FAM13C: variants seen among roughly 807,000 people sequenced by gnomAD.
FAM13C encodes the protein family with sequence similarity 13 member C.
In FAM13C, 37 loss-of-function variants were observed where a neutral mutation model predicts 73.2. The observed-to-expected ratio is 0.51, with a 90% confidence interval of 0.39 to 0.67. The LOEUF is 0.67. Ranked by LOEUF, FAM13C falls within the 30% of genes least tolerant of loss-of-function variation. FAM13C has a pLI of 0.00. For missense variants in FAM13C, 589 were observed against 715.6 expected (o/e 0.82, Z 2.02); for synonymous variants, 246 against 260.9 (o/e 0.94, Z 0.55).
intron 9 of FAM13C, among the ~76,000 whole-genome samples, chr10:59,263,154 T>C (rs1400067712): frequency 1.3e-5 from 2 of 152,162 alleles, no homozygotes; most frequent in Admixed American, 6.5e-5. Context: ...TGCTATTTTG[T>C]CTTATGATAG....
At chr10:59,346,346 G>T (rs1351464218) in intron 3 of FAM13C, among the ~76,000 whole-genome samples, 2 of 152,290 alleles carry the variant, frequency 1.3e-5, no homozygotes, top group East Asian at 3.9e-4. Flanking sequence ...CATCTAGGGA[G>T]CTTTGTGTCT....
chr10:59,248,580 A>G (rs1840974139), intron 13 of FAM13C, among the ~76,000 whole-genome samples: 1 of 152,172 alleles, frequency 6.6e-6, no homozygotes, highest in African/African-American at 2.4e-5. Flanking sequence ...ATCGTTTTGA[A>G]AACATTTCCA....
intron 3 of FAM13C, among the ~76,000 whole-genome samples, chr10:59,345,138 G>A (rs1465601554): frequency 1.3e-5 from 2 of 152,170 alleles, no homozygotes; most frequent in African/African-American, 4.8e-5. Flanking sequence ...CTGCACCTCT[G>A]TTTAATATTC....
intron 4 of FAM13C, among the ~76,000 whole-genome samples, chr10:59,305,928 C>T (rs1347289214): frequency 1.3e-5 from 2 of 152,240 alleles, no homozygotes; most frequent in African/African-American, 4.8e-5. Context: ...CAAAATAGCT[C>T]TTTCCCACAA....
chr10:59,266,658 T>C (rs759637744), intron 8 of FAM13C, among the ~76,000 whole-genome samples: 27 of 152,166 alleles, frequency 1.8e-4, no homozygotes, highest in Non-Finnish European at 2.9e-4. Context: ...TCCATATGTG[T>C]ATTTAAGTCT....
intron 1 of FAM13C, among the ~76,000 whole-genome samples, chr10:59,357,304 T>C (rs1288741014): frequency 1.3e-5 from 2 of 152,242 alleles, no homozygotes; most frequent in Non-Finnish European, 2.9e-5. Flanking sequence ...TCTGAGGTTT[T>C]GGTAAACAAC....
chr10:59,324,236 G>T, intron 3 of FAM13C, 130 bp from the exon 4 acceptor site: 1 of 685,544 alleles, frequency 1.5e-6, no homozygotes, highest in Non-Finnish European at 2.4e-6. Flanking sequence ...TGTAGTGTGG[G>T]AAGGGAGCCA....
At chr10:59,337,797 G>A (rs1021358341) in intron 3 of FAM13C, among the ~76,000 whole-genome samples, 4 of 143,024 alleles carry the variant, frequency 2.8e-5, no homozygotes, top group African/African-American at 7.8e-5. Flanking sequence ...CTCCTGCCTC[G>A]GCCTCCCGAG....
chr10:59,264,934 A>G (rs960012497), intron 8 of FAM13C, among the ~76,000 whole-genome samples: 2 of 152,156 alleles, frequency 1.3e-5, no homozygotes, highest in African/African-American at 2.4e-5. Flanking sequence ...AATATGCTCA[A>G]GGTGACATGA....
chr10:59,254,262 G>T, intron 11 of FAM13C, 86 bp downstream of exon 11: 1 of 886,430 alleles, frequency 1.1e-6, no homozygotes, highest in Non-Finnish European at 1.7e-6. Flanking sequence ...GCCATGAAGG[G>T]TCTTTTATAA....
At chr10:59,335,551 A>G (rs927628982) in intron 3 of FAM13C, among the ~76,000 whole-genome samples, 1 of 152,202 alleles carries the variant, frequency 6.6e-6, no homozygotes, top group Non-Finnish European at 1.5e-5. Flanking sequence ...TAATTTCCAT[A>G]CAGCTTCAAG....
intron 3 of FAM13C, among the ~76,000 whole-genome samples, chr10:59,342,133 A>C (rs1188078512): frequency 6.6e-6 from 1 of 152,202 alleles, no homozygotes; most frequent in African/African-American, 2.4e-5. Context: ...CATGGCAAGC[A>C]GTATCCTATG....
At chr10:59,320,073 G>T (rs2133995574) in intron 4 of FAM13C, among the ~76,000 whole-genome samples, 1 of 152,252 alleles carries the variant, frequency 6.6e-6, no homozygotes, top group Non-Finnish European at 1.5e-5. Context: ...GCCTATAGAA[G>T]CTTGGCAAAG....
chr10:59,257,756 G>A (rs867454708), intron 10 of FAM13C, among the ~76,000 whole-genome samples: 1 of 152,166 alleles, frequency 6.6e-6, no homozygotes, highest in South Asian at 2.1e-4. Flanking sequence ...GAATGTTTTG[G>A]TCAATTTAGA....
chr10:59,265,273 C>G (rs2446717), intron 8 of FAM13C, among the ~76,000 whole-genome samples: 136,024 of 137,648 alleles, frequency 0.99, 67,233 homozygotes, highest in Middle Eastern at 1. Context: ...GCTTGAATAG[C>G]AGACTGGTTT....
chr10:59,324,250 C>T, intron 3 of FAM13C, 144 bp from the exon 4 acceptor site: 1 of 618,542 alleles, frequency 1.6e-6, no homozygotes, highest in Non-Finnish European at 2.8e-6. Flanking sequence ...GGAGCCAATT[C>T]ACTGGTCCAA....
chr10:59,273,995 C>T (rs1312913265), intron 6 of FAM13C, among the ~76,000 whole-genome samples: 2 of 152,104 alleles, frequency 1.3e-5, no homozygotes, highest in African/African-American at 4.8e-5. Context: ...GATTGCCCAT[C>T]ATGGTGGGCT....
At chr10:59,294,424 T>C (rs1357790951) in intron 5 of FAM13C, among the ~76,000 whole-genome samples, 1 of 152,174 alleles carries the variant, frequency 6.6e-6, no homozygotes, top group Non-Finnish European at 1.5e-5. Context: ...ACTAGGCAAG[T>C]CCTGCCTCAA....
At chr10:59,269,713 G>A (rs1002540598) in intron 7 of FAM13C, among the ~76,000 whole-genome samples, 186 bp downstream of exon 7, 1 of 150,124 alleles carries the variant, frequency 6.7e-6, no homozygotes, top group African/African-American at 2.4e-5. Flanking sequence ...TCCTCTTGAG[G>A]TATCAAGGCC....
Sources: gnomAD v4.1 joint callset for allele counts (sites outside exome capture counted in the v4.1 genomes callset) on GRCh38, gnomAD v4.1.1 for gene constraint, MANE v1.5 for transcripts, NCBI Gene and HGNC (gene_info 2026-07-23, HGNC 2026-07-21) for gene names.